Variants in NPFFR2 observed in about 807,000 individuals in gnomAD.
The protein encoded by NPFFR2 is G-protein coupled receptor 74.
Under a neutral mutation model 13.1 loss-of-function variants are expected in NPFFR2, and 15 were observed. The observed-to-expected ratio is 1.15, with a 90% CI of 0.77 to 1.76. The LOEUF is 1.76. Ranked by LOEUF, NPFFR2 falls within the 40% of genes most tolerant of loss-of-function variation. The probability of loss-of-function intolerance (pLI) is 0.00; values close to 1 mark genes in which losing one functional copy is unlikely to be tolerated. For synonymous variants in NPFFR2, 190 were observed against 175.7 expected (o/e 1.08, Z -0.65); for missense variants, 572 against 503.5 (o/e 1.14, Z -1.30).
intron 1 of NPFFR2, among the ~76,000 whole-genome samples, chr4:72,117,343 C>T (rs1466158172): frequency 6.6e-6 from 1 of 152,086 alleles, no homozygotes; most frequent in Non-Finnish European, 1.5e-5. Flanking sequence ...GCTTTTGATG[C>T]TTTGGTTTAA....
intron 1 of NPFFR2, among the ~76,000 whole-genome samples, chr4:72,085,644 CA>C (rs1720745955): frequency 6.6e-6 from 1 of 152,040 alleles, no homozygotes; most frequent in South Asian, 2.1e-4. Context: ...TTAAGGAGGA[CA>C]ACTAAATTAT....
At chr4:72,119,376 T>C (rs1244068682) in intron 1 of NPFFR2, among the ~76,000 whole-genome samples, 1 of 152,214 alleles carries the variant, frequency 6.6e-6, no homozygotes, top group Admixed American at 6.5e-5. Context: ...TAGTTATATA[T>C]ACACTGTAAT....
rs115640439 is a variant in NPFFR2, at chr4:72,111,472, A to G, written c.-7-17113A>G. 3.2e-3 allele frequency among the ~76,000 whole-genome samples: 489 copies of G among 152,094 alleles called. 5 individuals are homozygous for G. Among genetic ancestry groups the G allele is most frequent in the African/African-American group, 0.011 (465 of 41,522 alleles). On this transcript the variant is annotated intron_variant, in intron 1 of 3. Transcript: ENST00000308744. ...TACAGTTGAAGCAATTAGGACAACT[A>G]CTTGTTGAATGCTTGATAATCTACA...
rs370249275 is a variant in NPFFR2 at position 72,045,597 on chromosome 4, CCTT to C, written c.-8+13400_-8+13402del. ...TCCCAAATGCATTTAGTACATCTAA[CCTT>C]CTGAACATCGTAGCTTAGCCTAGCC... On this transcript the variant is annotated intron_variant, in intron 1 of 3. Coordinates refer to ENST00000308744, the MANE Select transcript of NPFFR2 (RefSeq NM_004885.3). 1.1e-4 allele frequency among the ~76,000 whole-genome samples: 17 copies of C among 152,290 alleles called. No individual in the cohort carries two copies. The East Asian group carries it at 3.3e-3, about 29-fold the overall frequency.
intron 1 of NPFFR2, among the ~76,000 whole-genome samples, chr4:72,089,819 C>T (rs563695985): frequency 1.3e-5 from 2 of 151,996 alleles, no homozygotes; most frequent in South Asian, 4.2e-4. Context: ...AGTTTTTTTA[C>T]TTTAATTAAG....
intron 1 of NPFFR2, among the ~76,000 whole-genome samples, chr4:72,117,886 A>G (rs1033055022): frequency 6.6e-6 from 1 of 152,214 alleles, no homozygotes; most frequent in Non-Finnish European, 1.5e-5. Flanking sequence ...TAAAAAGTAC[A>G]CCACACATAC....
chr4:72,088,179 TAAAAG>T (rs1307847958), intron 1 of NPFFR2, among the ~76,000 whole-genome samples: 2 of 152,096 alleles, frequency 1.3e-5, no homozygotes, highest in African/African-American at 4.8e-5. Flanking sequence ...GAAGTATAGA[TAAAAG>T]TAAAGTACAC....
intron 3 of NPFFR2, among the ~76,000 whole-genome samples, chr4:72,142,955 C>G (rs1456776195): frequency 1.3e-5 from 2 of 152,092 alleles, no homozygotes; most frequent in Non-Finnish European, 2.9e-5. Context: ...TAATAGGTGA[C>G]CAGTGTTTGA....
At chr4:72,078,271 A>G (rs1165656331) in intron 1 of NPFFR2, among the ~76,000 whole-genome samples, 1 of 152,140 alleles carries the variant, frequency 6.6e-6, no homozygotes, top group Middle Eastern at 3.2e-3. Flanking sequence ...AATGAACTGA[A>G]TATATAAGAA....
intron 1 of NPFFR2, among the ~76,000 whole-genome samples, chr4:72,075,208 A>G (rs995169386): frequency 4.6e-5 from 7 of 152,112 alleles, no homozygotes; most frequent in African/African-American, 1.7e-4. Flanking sequence ...CCTGGCCTAC[A>G]TCTTTCTACC....
At chr4:72,100,103 C>T (rs371712575) in intron 1 of NPFFR2, among the ~76,000 whole-genome samples, 1 of 152,136 alleles carries the variant, frequency 6.6e-6, no homozygotes, top group Non-Finnish European at 1.5e-5. Flanking sequence ...AATGTATTTT[C>T]AACATTTAAA....
rs1019773269 is a variant in NPFFR2 at position 72,041,076 on chromosome 4, G to A, written c.-8+8876G>A. 5.3e-5 allele frequency among the ~76,000 whole-genome samples: 8 copies of A among 151,976 alleles called. 1 individual carries two copies. The highest frequency in any genetic ancestry group is 5.2e-4 in the Admixed American group (8 of 15,252). ...TATATTGTGTGATGCTGAGGTTTGG[G>A]TACAGTTGAACCCATTACCCAGGTA... is the stretch of plus-strand genomic sequence containing the variant. On this transcript the variant is annotated intron_variant, in intron 1 of 3. Transcript: ENST00000308744.
chr4:72,138,967 G>C (rs187698205), intron 3 of NPFFR2, among the ~76,000 whole-genome samples: 3 of 152,296 alleles, frequency 2.0e-5, no homozygotes, highest in East Asian at 3.9e-4. Context: ...ACTGGTGTGA[G>C]ATGGTATCTC....
intron 3 of NPFFR2, among the ~76,000 whole-genome samples, chr4:72,144,098 C>G (rs1306770586): frequency 6.6e-6 from 1 of 152,162 alleles, no homozygotes; most frequent in Non-Finnish European, 1.5e-5. Context: ...TACAGCTTGT[C>G]TCTGTTCTAC....
At chr4:72,042,431 T>C (rs1719247419) in intron 1 of NPFFR2, among the ~76,000 whole-genome samples, 1 of 152,156 alleles carries the variant, frequency 6.6e-6, no homozygotes, top group Admixed American at 6.5e-5. Flanking sequence ...TAGCCAAAAA[T>C]GTGGAAGCAA....
In NPFFR2 at chr4:72,069,013, G is replaced by A. The variant is rs6849186; in HGVS notation, c.-8+36813G>A. On this transcript the variant is annotated intron_variant, in intron 1 of 3. Transcript: ENST00000308744. ...TAATAAGAGTGAAGCATGTAGATCAGTGACTGCTATGTAAGTATTCTAATA... is the reference window on the plus strand; with the variant it reads ...TAATAAGAGTGAAGCATGTAGATCAATGACTGCTATGTAAGTATTCTAATA... The A allele has an allele frequency of 5.5e-3, 6,783 of 1,242,048 alleles. 292 individuals are homozygous for A. In the African/African-American group the frequency reaches 0.091, roughly 17 times the overall value. 76.9% of individuals were successfully genotyped at this position (1,242,048 alleles called of 1,614,324 possible).
Position 72,147,668 on chromosome 4 carries a change from A to C in NPFFR2, c.1119A>C (p.Ile373=), listed in dbSNP as rs1289284319. 1 of 1,614,150 alleles carries C rather than the reference A, an allele frequency of 6.2e-7. No individual in the cohort carries two copies. The change falls in exon 4 of 4, where the codon ATA becomes ATC. Residue 373 remains isoleucine (I), a synonymous_variant. Coordinates refer to ENST00000308744, the MANE Select transcript of NPFFR2 (RefSeq NM_004885.3). ...TAAAAGCTAAAAGCCATGTGCTCATAAACACATCTAATCAGCTTGTCCAGG... is the reference window on the plus strand; with the variant it reads ...TAAAAGCTAAAAGCCATGTGCTCATCAACACATCTAATCAGCTTGTCCAGG... The part of the protein sequence containing the change: ...YALKAKSHVL[I]NTSNQLVQES...
At chr4:72,069,422 A>G (rs932686443) in intron 1 of NPFFR2, among the ~76,000 whole-genome samples, 1 of 152,134 alleles carries the variant, frequency 6.6e-6, no homozygotes, top group African/African-American at 2.4e-5. Context: ...TAAATAAAAT[A>G]TAAATTTAAA....
At chr4:72,100,406 G>A (rs564552848) in intron 1 of NPFFR2, among the ~76,000 whole-genome samples, 5 of 152,148 alleles carry the variant, frequency 3.3e-5, no homozygotes, top group African/African-American at 1.2e-4. Context: ...TAAAATAGGT[G>A]TTACAGTACC....
Sources: gnomAD v4.1 joint callset for allele counts (sites outside exome capture counted in the v4.1 genomes callset) on GRCh38, gnomAD v4.1.1 for gene constraint, MANE v1.5 for transcripts, NCBI Gene and HGNC (gene_info 2026-07-23, HGNC 2026-07-21) for gene names.